MSI2: variants seen among roughly 807,000 people sequenced by gnomAD.
MSI2 encodes the protein RNA-binding protein Musashi homolog 2.
Under a neutral mutation model 45.6 loss-of-function variants are expected in MSI2, and 17 were observed. That is an observed-to-expected ratio of 0.37 (90% CI 0.26 to 0.56). The LOEUF is 0.56. MSI2 is among the 20% of genes least tolerant of loss of function. The pLI is 0.77. For synonymous variants in MSI2, 156 were observed against 158.2 expected (o/e 0.99, Z 0.11); for missense variants, 293 against 444.2 (o/e 0.66, Z 3.06).
At chr17:57,471,604 AGGTAGGCT>A (rs2085438766) in intron 6 of MSI2, among the ~76,000 whole-genome samples, 1 of 152,120 alleles carries the variant, frequency 6.6e-6, no homozygotes, top group Non-Finnish European at 1.5e-5. Context: ...TAATCCCATG[AGGTAGGCT>A]GGTATTACTC....
chr17:57,519,783 A>G (rs1236714187), intron 6 of MSI2, among the ~76,000 whole-genome samples: 1 of 152,164 alleles, frequency 6.6e-6, no homozygotes, highest in African/African-American at 2.4e-5. Flanking sequence ...GTAAGGGAGA[A>G]CAGAAGACTT....
intron 6 of MSI2, among the ~76,000 whole-genome samples, chr17:57,510,173 G>C (rs2086320976): frequency 6.6e-6 from 1 of 152,018 alleles, no homozygotes; most frequent in Non-Finnish European, 1.5e-5. Context: ...TCAGCCTTTT[G>C]TGTGGCTGGG....
chr17:57,598,994 G>A (rs749418757), intron 8 of MSI2, among the ~76,000 whole-genome samples: 3 of 152,194 alleles, frequency 2.0e-5, no homozygotes, highest in Non-Finnish European at 2.9e-5. Context: ...GAGAGAGAGA[G>A]GACTTAAATG....
chr17:57,493,929 T>G (rs2085925436), intron 6 of MSI2, among the ~76,000 whole-genome samples: 1 of 152,136 alleles, frequency 6.6e-6, no homozygotes, highest in Non-Finnish European at 1.5e-5. Flanking sequence ...ACTGGCCCTC[T>G]GCAGAAGTTA....
chr17:57,622,153 C>T (rs898174533), intron 9 of MSI2, among the ~76,000 whole-genome samples: 56 of 152,326 alleles, frequency 3.7e-4, no homozygotes, highest in African/African-American at 1.3e-3. Flanking sequence ...GCCAAGATCA[C>T]ACCACTGCAC....
intron 6 of MSI2, among the ~76,000 whole-genome samples, chr17:57,523,748 G>A (rs939791965): frequency 6.6e-6 from 1 of 152,186 alleles, no homozygotes; most frequent in East Asian, 1.9e-4. Flanking sequence ...TGTGGAATGT[G>A]GAACCTGATA....
chr17:57,662,300 T>C (rs548688261), intron 11 of MSI2, among the ~76,000 whole-genome samples: 1 of 152,242 alleles, frequency 6.6e-6, no homozygotes, highest in South Asian at 2.1e-4. Flanking sequence ...CTAAGAGGGT[T>C]CCAGGGGAAG....
the MSI2 span, among the ~76,000 whole-genome samples, chr17:57,692,876 A>G: frequency 6.8e-6 from 1 of 146,120 alleles, no homozygotes; most frequent in Non-Finnish European, 1.5e-5. Context: ...TGTGATTACG[A>G]TGGGTCTAGA....
At chr17:57,527,471 G>GA (rs201068244) in intron 6 of MSI2, among the ~76,000 whole-genome samples, 29,103 of 151,966 alleles carry the variant, frequency 0.19, 3,420 homozygotes, top group Non-Finnish European at 0.25. Context: ...CGTCGGCGGG[G>GA]GCTCTTGAAG....
intron 6 of MSI2, among the ~76,000 whole-genome samples, chr17:57,446,686 C>A (rs2084906352): frequency 1.3e-5 from 2 of 152,202 alleles, no homozygotes; most frequent in South Asian, 4.1e-4. Flanking sequence ...CACTCACATG[C>A]TGTAGGAACA....
At chr17:57,331,283 C>A (rs1177334881) in intron 5 of MSI2, among the ~76,000 whole-genome samples, 1 of 152,206 alleles carries the variant, frequency 6.6e-6, no homozygotes, top group Non-Finnish European at 1.5e-5. Flanking sequence ...CCAGGACACA[C>A]TGTCCAGTCT....
At chr17:57,464,445 AAAAAC>A (rs1391485279) in intron 6 of MSI2, among the ~76,000 whole-genome samples, 1 of 152,180 alleles carries the variant, frequency 6.6e-6, no homozygotes, top group Non-Finnish European at 1.5e-5. Context: ...CCCTATTTCA[AAAAAC>A]AAAAAGGAAA....
intron 7 of MSI2, among the ~76,000 whole-genome samples, chr17:57,534,403 G>A (rs2086880839): frequency 6.6e-6 from 1 of 152,342 alleles, no homozygotes; most frequent in Admixed American, 6.5e-5. Context: ...CAGACAAGGA[G>A]CAGAGCTGTT....
chr17:57,364,710 G>A (rs1917063699), intron 5 of MSI2, among the ~76,000 whole-genome samples: 1 of 152,038 alleles, frequency 6.6e-6, no homozygotes, highest in African/African-American at 2.4e-5. Flanking sequence ...GGGAAGCCTA[G>A]GGTTGGGTCC....
chr17:57,605,931 G>T (rs1354116057), intron 8 of MSI2, among the ~76,000 whole-genome samples: 2 of 152,252 alleles, frequency 1.3e-5, no homozygotes, highest in East Asian at 3.8e-4. Flanking sequence ...CCTGCTGGAG[G>T]CTGAGGTTTC....
chr17:57,361,606 CA>C (rs34432170), intron 5 of MSI2, among the ~76,000 whole-genome samples: 1,927 of 71,672 alleles, frequency 0.027, 14 homozygotes, highest in African/African-American at 0.055. Flanking sequence ...GACCTTGTCT[CA>C]AAAAAAAAAA....
At chr17:57,342,263 G>C (rs138566048) in intron 5 of MSI2, among the ~76,000 whole-genome samples, 1 of 152,210 alleles carries the variant, frequency 6.6e-6, no homozygotes, top group African/African-American at 2.4e-5. Context: ...ATGGACATCC[G>C]GTCCCTCCAT....
chr17:57,655,891 G>A (rs561980570), intron 11 of MSI2, among the ~76,000 whole-genome samples: 7 of 152,052 alleles, frequency 4.6e-5, no homozygotes, highest in African/African-American at 1.7e-4. Flanking sequence ...GTACACTTTC[G>A]TTTTTGATTT....
intron 8 of MSI2, among the ~76,000 whole-genome samples, chr17:57,607,653 C>T (rs376068964): frequency 1.5e-4 from 23 of 152,208 alleles, no homozygotes; most frequent in African/African-American, 4.8e-4. Flanking sequence ...TTAGGCCGTT[C>T]TCGCGTTGCT....
Sources: allele counts gnomAD v4.1 joint callset (sites outside exome capture counted in the v4.1 genomes callset), GRCh38; gene constraint gnomAD v4.1.1; transcripts MANE v1.5; gene names NCBI Gene and HGNC (gene_info 2026-07-23, HGNC 2026-07-21).